Variants in ZNF831 observed in about 807,000 individuals in gnomAD.
ZNF831 encodes zinc finger protein 831, also known as chromosome 20 open reading frame 174.
In ZNF831, 59 loss-of-function variants were observed where a neutral mutation model predicts 95.8. The ratio of observed to expected loss-of-function variants is 0.62; its 90% CI spans 0.50 to 0.77. The LOEUF is 0.77. ZNF831 is among the 30% of genes least tolerant of loss of function. ZNF831 has a pLI of 0.00. For missense variants in ZNF831, 2,205 were observed against 2,164.0 expected (o/e 1.02, Z -0.38); for synonymous variants, 961 against 925.5 (o/e 1.04, Z -0.70).
intron 4 of ZNF831, among the ~76,000 whole-genome samples, chr20:59,247,279 C>A (rs566461668): frequency 1.3e-5 from 2 of 152,328 alleles, no homozygotes; most frequent in Non-Finnish European, 2.9e-5. Context: ...GGCCACCCAG[C>A]ACCTTCGTGC....
intron 4 of ZNF831, among the ~76,000 whole-genome samples, chr20:59,243,879 T>C (rs1233729904): frequency 6.6e-6 from 1 of 152,194 alleles, no homozygotes; most frequent in Non-Finnish European, 1.5e-5. Context: ...AAATTAATGA[T>C]CCATAAAGTA....
intron 4 of ZNF831, among the ~76,000 whole-genome samples, chr20:59,224,982 G>GT (rs1376857705): frequency 1.3e-5 from 2 of 150,854 alleles, no homozygotes; most frequent in African/African-American, 2.4e-5. Flanking sequence ...TTTTCATTCT[G>GT]TAGAGTAGAA....
chr20:59,139,868 T>C (rs891245351), intron 1 of ZNF831, among the ~76,000 whole-genome samples: 2 of 152,110 alleles, frequency 1.3e-5, no homozygotes, highest in African/African-American at 4.8e-5. Context: ...ACCCCAAACA[T>C]TGATGAGTCT....
chr20:59,192,279 C>T lies in ZNF831; in HGVS notation c.1260C>T (p.Asp420=), dbSNP rs2146562761. ...TCTCCCACAACCAGGCGGTGGTGGA[C>T]GATGCCCAGCTGGACAACGTGCGGC... ...QLISHNQAVV[D]DAQLDNVRPR... The change falls in exon 2 of 6, where the codon GAC becomes GAT. Residue 420 remains aspartate, a synonymous_variant. Coordinates refer to ENST00000371030, the MANE Select transcript of ZNF831 (RefSeq NM_178457.3). The surrounding 1 kb of genome is among the most constrained non-coding windows in gnomAD (Gnocchi z 5.2). The T allele has an allele frequency of 6.3e-7, 1 of 1,588,878 alleles. No individual in the cohort carries two copies. Among genetic ancestry groups the T allele is most frequent in the Non-Finnish European group, 8.6e-7 (1 of 1,167,366 alleles).
At chr20:59,139,594 A>G (rs1777515582) in intron 1 of ZNF831, among the ~76,000 whole-genome samples, 1 of 152,126 alleles carries the variant, frequency 6.6e-6, no homozygotes, top group Non-Finnish European at 1.5e-5. Flanking sequence ...TGCACTGGAA[A>G]AGAATCCGAG....
In ZNF831 at chr20:59,211,779, T is replaced by TTGTGTG. The variant is rs11472424; in HGVS notation, c.4027+4747_4027+4752dup. ...TGCGTCCTCGGTGAGGGAGCTGACC[T>TTGTGTG]TGTGTGTGTGTGTGTGTGTGTGTGT... is the stretch of plus-strand genomic sequence containing the variant. On this transcript the variant is annotated intron_variant, in intron 4 of 5. Coordinates refer to ENST00000371030, the MANE Select transcript of ZNF831 (RefSeq NM_178457.3). 7.1e-3 allele frequency among the ~76,000 whole-genome samples: 1,035 copies of TTGTGTG among 146,776 alleles called. 9 individuals are homozygous for TTGTGTG. Among genetic ancestry groups the TTGTGTG allele is most frequent in the Middle Eastern group, 0.042 (12 of 284 alleles).
At chr20:59,173,831 A>T (rs983126210) in intron 1 of ZNF831, among the ~76,000 whole-genome samples, 4 of 152,202 alleles carry the variant, frequency 2.6e-5, no homozygotes, top group African/African-American at 9.6e-5. Context: ...AACTTGGCGT[A>T]GGAATGATTA....
rs535493104 is a variant in ZNF831, at chr20:59,238,824, A to G, written c.4028-14154A>G. Among the ~76,000 whole-genome samples the G allele has an allele frequency of 1.2e-4, 17 of 146,350 alleles. No homozygotes were observed. The South Asian group carries it at 4.0e-3, about 34-fold the overall frequency. ...CTCTCGTCCTCTCCCCCTTGTATCT[A>G]TTAGAGCCTGGGTATGGATTTCTTT... On this transcript the variant is annotated intron_variant, in intron 4 of 5. Transcript: ENST00000371030.
intron 4 of ZNF831, among the ~76,000 whole-genome samples, chr20:59,251,492 A>G (rs905746303): frequency 6.6e-6 from 1 of 152,266 alleles, no homozygotes; most frequent in African/African-American, 2.4e-5. Context: ...CTAAAGAGTT[A>G]TACTTCATGT....
intron 2 of ZNF831, among the ~76,000 whole-genome samples, chr20:59,158,212 G>A (rs1980646645): frequency 6.6e-6 from 1 of 152,194 alleles, no homozygotes; most frequent in African/African-American, 2.4e-5. Context: ...AGCTGCAGAA[G>A]GCGATTACTC....
chr20:59,213,518 GC>G (rs776002543), intron 4 of ZNF831, among the ~76,000 whole-genome samples: 3 of 152,130 alleles, frequency 2.0e-5, no homozygotes, highest in Non-Finnish European at 4.4e-5. Flanking sequence ...CTCCATGTTT[GC>G]ATCCAGGGGC....
In ZNF831 at chr20:59,237,964, C is replaced by T. The variant is rs185508003; in HGVS notation, c.4028-15014C>T. ...ATAAAAATACAGAACTCCCAGAATACGTAATTTTTTTTTAGCATAAGTATG... is the reference window on the plus strand; with the variant it reads ...ATAAAAATACAGAACTCCCAGAATATGTAATTTTTTTTTAGCATAAGTATG... On this transcript the variant is annotated intron_variant, in intron 4 of 5. Transcript: ENST00000371030. 2.6e-3 allele frequency among the ~76,000 whole-genome samples: 392 copies of T among 152,198 alleles called. 2 individuals are homozygous for T. Among genetic ancestry groups the T allele is most frequent in the African/African-American group, 9.0e-3 (372 of 41,518 alleles).
rs59267396 is a variant in ZNF831 at position 59,232,994 on chromosome 20, G to GCACACACACACA, written c.4028-19945_4028-19934dup. ...TCATTTTATAGGTGAGGACCCTGAG[G>GCACACACACACA]CACACACACACACACACACACACAC... On this transcript the variant is annotated intron_variant, in intron 4 of 5. Transcript: ENST00000371030. 6.3e-4 allele frequency among the ~76,000 whole-genome samples: 77 copies of GCACACACACACA among 123,084 alleles called. 2 individuals are homozygous for GCACACACACACA. The highest frequency in any genetic ancestry group is 8.3e-3 in the Middle Eastern group (2 of 242). 80.7% of individuals were successfully genotyped at this position (123,084 alleles called of 152,430 possible). A position where few individuals can be genotyped will look rare whatever the true frequency, so the allele number is the denominator to read the frequency against.
At chr20:59,221,023 T>G (rs1986038461) in intron 4 of ZNF831, among the ~76,000 whole-genome samples, 1 of 152,216 alleles carries the variant, frequency 6.6e-6, no homozygotes, top group Non-Finnish European at 1.5e-5. Flanking sequence ...CAGGAATACC[T>G]GACTCATTTG....
rs1427496958 is a variant in ZNF831, at chr20:59,257,877, C to T, written c.*3134C>T. 1.3e-5 allele frequency: 2 copies of T among 152,084 alleles called. No individual in the cohort carries two copies. Among genetic ancestry groups the T allele is most frequent in the Non-Finnish European group, 2.9e-5 (2 of 68,014 alleles). The allele number at this position is 152,084 out of a possible 1,614,324, so 9.4% of individuals were successfully genotyped here. A position where few individuals can be genotyped will look rare whatever the true frequency, so the allele number is the denominator to read the frequency against. On this transcript the variant is annotated 3_prime_UTR_variant, in exon 6 of 6. Coordinates refer to ENST00000371030, the MANE Select transcript of ZNF831 (RefSeq NM_178457.3). ...AAAAGTGACATTTCCCCATGATGTT[C>T]AAGACTCACCAGGTTTCTCTCTCCA...
intron 4 of ZNF831, among the ~76,000 whole-genome samples, chr20:59,212,627 C>T (rs182306790): frequency 6.6e-6 from 1 of 152,284 alleles, no homozygotes; most frequent in East Asian, 1.9e-4. Context: ...TAGACTGGGG[C>T]TGTCTCATTG....
chr20:59,130,080 T>C (rs145854345), intron 1 of ZNF831, among the ~76,000 whole-genome samples: 1 of 152,322 alleles, frequency 6.6e-6, no homozygotes, highest in East Asian at 1.9e-4. Flanking sequence ...ATTTGTAAGA[T>C]GGGCATAAGA....
intron 1 of ZNF831, among the ~76,000 whole-genome samples, chr20:59,132,151 A>G (rs762713919): frequency 6.6e-6 from 1 of 152,224 alleles, no homozygotes; most frequent in Non-Finnish European, 1.5e-5. Context: ...TTTTCTGCAC[A>G]ATAATATGAT....
rs1178321673 is a variant in ZNF831 at position 59,193,894 on chromosome 20, G to A, written c.2875G>A (p.Gly959Arg). The A allele has an allele frequency of 3.7e-6, 6 of 1,607,448 alleles. No individual in the cohort carries two copies. Among genetic ancestry groups the A allele is most frequent in the Non-Finnish European group, 5.1e-6 (6 of 1,176,746 alleles). ...ETPLPLPIPW[G>R]PRHSQDSLCS... Reference sequence around the variant, plus strand: ...CCCCTTACCACTGCCCATTCCCTGGGGACCAAGGCACAGCCAGGACTCTCT... The same window carrying A: ...CCCCTTACCACTGCCCATTCCCTGGAGACCAAGGCACAGCCAGGACTCTCT... Residue 959 changes from glycine to arginine, a missense_variant, in exon 2 of 6, where the codon GGA becomes AGA. Gly to Arg is a moderately radical substitution (Grantham distance 125). Transcript: ENST00000371030.
Sources: allele counts gnomAD v4.1 joint callset (sites outside exome capture counted in the v4.1 genomes callset), GRCh38; gene constraint gnomAD v4.1.1; non-coding constraint Gnocchi (gnomAD v3.1); transcripts MANE v1.5; gene names NCBI Gene and HGNC (gene_info 2026-07-23, HGNC 2026-07-21).